The following ARV1 variants were observed in gnomAD, a reference collection of about 807,000 sequenced individuals.
The protein encoded by ARV1 is ARV1 fatty acid homeostasis modulator.
ARV1 carries 26 observed loss-of-function variants against 31.1 expected under a neutral mutation model. That is an observed-to-expected ratio of 0.84 (90% confidence interval 0.61 to 1.16). The LOEUF (loss-of-function observed/expected upper bound fraction) is 1.16. Ranked by LOEUF, ARV1 falls within the 50% of genes most tolerant of loss-of-function variation. The pLI is 0.00. For synonymous variants in ARV1, 117 were observed against 123.2 expected (o/e 0.95, Z 0.34); for missense variants, 281 against 324.9 (o/e 0.86, Z 1.04).
chr1:230,990,055 A>G, intron 2 of ARV1, 55 bp from the exon 3 acceptor site: 1 of 1,527,478 alleles, frequency 6.5e-7, no homozygotes, highest in Non-Finnish European at 8.8e-7. Flanking sequence ...ACCTGTTGAT[A>G]CTAGTGCAAC....
intron 2 of ARV1, among the ~76,000 whole-genome samples, chr1:230,989,614 T>TA (rs1285537291): frequency 3.3e-5 from 5 of 152,236 alleles, no homozygotes; most frequent in Non-Finnish European, 7.3e-5. Flanking sequence ...GAGATATTTT[T>TA]AAAAAACTGA....
chr1:230,995,570 C>G (rs1251957583), intron 3 of ARV1, among the ~76,000 whole-genome samples, 190 bp from the exon 4 acceptor site: 1 of 139,874 alleles, frequency 7.1e-6, no homozygotes, highest in South Asian at 2.2e-4. Context: ...ATACAAAAGC[C>G]AGGGGTTTAT....
chr1:230,986,619 G>T (rs1052799862), intron 1 of ARV1, among the ~76,000 whole-genome samples: 79 of 147,950 alleles, frequency 5.3e-4, no homozygotes, highest in African/African-American at 1.9e-3. Context: ...CCATCCATCG[G>T]AACACGTTTC....
chr1:230,987,081 C>T (rs1679102785), intron 1 of ARV1, among the ~76,000 whole-genome samples: 1 of 152,236 alleles, frequency 6.6e-6, no homozygotes, highest in South Asian at 2.1e-4. Context: ...TCACTACTCT[C>T]ATGCTTTGGG....
At chr1:230,982,676 A>G (rs1246113337) in intron 1 of ARV1, among the ~76,000 whole-genome samples, 2 of 152,222 alleles carry the variant, frequency 1.3e-5, no homozygotes, top group South Asian at 2.1e-4. Context: ...CCTTGTCGCT[A>G]TCATGCTAAT....
chr1:230,980,929 C>G (rs917235813), intron 1 of ARV1, among the ~76,000 whole-genome samples: 3 of 152,160 alleles, frequency 2.0e-5, no homozygotes, highest in Admixed American at 6.5e-5. Flanking sequence ...GTCACATTCC[C>G]ACCCGCATTT....
At chr1:230,991,875 G>A (rs1195909302) in intron 3 of ARV1, among the ~76,000 whole-genome samples, 3 of 151,976 alleles carry the variant, frequency 2.0e-5, no homozygotes, top group South Asian at 2.1e-4. Context: ...TGATCCGTCC[G>A]CCTCTGCCTC....
chr1:230,992,268 A>C (rs1679248845), intron 3 of ARV1, among the ~76,000 whole-genome samples: 1 of 151,932 alleles, frequency 6.6e-6, no homozygotes, highest in African/African-American at 2.4e-5. Flanking sequence ...CATCTAGTTA[A>C]CTTGCTTCAG....
Position 230,988,389 on chromosome 1 carries a change from T to C in ARV1, c.244T>C (p.Leu82=). 1 of 1,598,672 alleles carries C rather than the reference T, an allele frequency of 6.3e-7. No homozygotes were observed. The highest frequency in any genetic ancestry group is 1.3e-5 in the African/African-American group (1 of 74,640). Residue 82 remains leucine (L), a synonymous_variant, in exon 2 of 6, where the codon TTG becomes CTG. Coordinates refer to ENST00000310256, the MANE Select transcript of ARV1 (RefSeq NM_022786.3). ...TGTTATCATCTTGATTAATGCTATATTGTGCAAAGCTCAGGCCTACAGACA... is the reference window on the plus strand; with the variant it reads ...TGTTATCATCTTGATTAATGCTATACTGTGCAAAGCTCAGGCCTACAGACA... ...DPVIILINAI[L]CKAQAYRHIL...
At chr1:230,997,095 CT>C in intron 4 of ARV1, 25 bp from the exon 5 acceptor site, 3 of 1,609,524 alleles carry the variant, frequency 1.9e-6, no homozygotes, top group South Asian at 2.2e-5. Flanking sequence ...TAATTCTGAA[CT>C]TATTGGCTGC....
intron 3 of ARV1, among the ~76,000 whole-genome samples, chr1:230,992,763 A>C (rs1679261758): frequency 6.6e-6 from 1 of 152,228 alleles, no homozygotes; most frequent in South Asian, 2.1e-4. Context: ...TTAAATACTT[A>C]TTAGGTGCCA....
chr1:230,997,044 A>G lies in ARV1; in HGVS notation c.674-77A>G, dbSNP rs894613299. 2.0e-6 allele frequency: 3 copies of G among 1,535,200 alleles called. No individual in the cohort carries two copies. In the African/African-American group the frequency reaches 4.1e-5, roughly 21 times the overall value. ...TTTCCAAAAACAGCTTTACAAAACA[A>G]TTCATACTACCCGAAAATTTACATG... On this transcript the variant is annotated intron_variant, in intron 4 of 5. Transcript: ENST00000310256.
intron 1 of ARV1, among the ~76,000 whole-genome samples, chr1:230,987,451 T>G (rs1267309550): frequency 6.6e-6 from 1 of 152,224 alleles, no homozygotes; most frequent in Non-Finnish European, 1.5e-5. Flanking sequence ...ACATTTCTAA[T>G]GAGCTTGTTT....
chr1:230,984,353 T>TGTGTGTGC (rs1345181360), intron 1 of ARV1, among the ~76,000 whole-genome samples: 2 of 72,902 alleles, frequency 2.7e-5, no homozygotes, highest in African/African-American at 1.2e-4. Context: ...CGTGTGTGTG[T>TGTGTGTGC]GTGTGTGTGC....
chr1:230,990,855 G>T (rs982677040), intron 3 of ARV1, among the ~76,000 whole-genome samples: 1 of 152,196 alleles, frequency 6.6e-6, no homozygotes, highest in African/African-American at 2.4e-5. Flanking sequence ...ACAGGTGTGA[G>T]CCACTGTGCC....
At chr1:230,988,584 T>C in intron 2 of ARV1, 145 bp downstream of exon 2, 1 of 639,248 alleles carries the variant, frequency 1.6e-6, no homozygotes, top group Non-Finnish European at 2.5e-6. Context: ...TTGCAACATA[T>C]CTGGAAGTTT....
chr1:230,981,047 G>A (rs903515184), intron 1 of ARV1, among the ~76,000 whole-genome samples: 6 of 152,122 alleles, frequency 3.9e-5, no homozygotes, highest in African/African-American at 1.4e-4. Flanking sequence ...CCTCCTCCTT[G>A]AAATGCTGTG....
intron 4 of ARV1, among the ~76,000 whole-genome samples, 161 bp from the exon 5 acceptor site, chr1:230,996,960 G>A (rs1490987062): frequency 6.6e-6 from 1 of 152,156 alleles, no homozygotes; most frequent in Non-Finnish European, 1.5e-5. Context: ...CTCTAAAAAT[G>A]TGTAGATGGA....
rs1679483448 is a variant in ARV1 at position 231,000,137 on chromosome 1, G to A, written c.*5-1G>A. ...CTAAATACATCCTTTATTTTTCACA[G>A]TTTTATTCTTCTTCACTATCTGTGG... On this transcript the variant is annotated splice_acceptor_variant, in intron 5 of 5. Coordinates refer to ENST00000310256, the MANE Select transcript of ARV1 (RefSeq NM_022786.3). LOFTEE classifies it low-confidence loss of function (3UTR_SPLICE). 6.6e-6 allele frequency: 1 copy of A among 152,116 alleles called. No homozygotes were observed. The highest frequency in any genetic ancestry group is 1.9e-4 in the East Asian group (1 of 5,200). The allele number at this position is 152,116 out of a possible 1,614,324, so 9.4% of individuals were successfully genotyped here. A position where few individuals can be genotyped will look rare whatever the true frequency, so the allele number is the denominator to read the frequency against.
Sources: allele counts gnomAD v4.1 joint callset (sites outside exome capture counted in the v4.1 genomes callset), GRCh38; gene constraint gnomAD v4.1.1; transcripts MANE v1.5; gene names NCBI Gene and HGNC (gene_info 2026-07-23, HGNC 2026-07-21).